FRK: variants seen among roughly 807,000 people sequenced by gnomAD.
FRK encodes the protein fyn related Src family tyrosine kinase.
Under a neutral mutation model 56.4 loss-of-function variants are expected in FRK, and 51 were observed. The ratio of observed to expected loss-of-function variants is 0.90; its 90% confidence interval spans 0.72 to 1.14. FRK has a LOEUF of 1.14. Ranked by LOEUF, FRK falls within the 50% of genes most tolerant of loss-of-function variation. FRK has a pLI of 0.00. For missense variants in FRK, 570 were observed against 601.4 expected (o/e 0.95, Z 0.55); for synonymous variants, 245 against 217.9 (o/e 1.12, Z -1.10).
chr6:116,045,101 A>G (rs1165304397), intron 1 of FRK, among the ~76,000 whole-genome samples: 1 of 152,098 alleles, frequency 6.6e-6, no homozygotes, highest in South Asian at 2.1e-4. Flanking sequence ...ACAAATGGAA[A>G]AACATTCCAT....
the FRK span, among the ~76,000 whole-genome samples, chr6:116,076,157 C>G: frequency 7.5e-4 from 114 of 152,184 alleles, no homozygotes; most frequent in Admixed American, 3.1e-3. Flanking sequence ...TATGAGAACT[C>G]TCACCAAAAG....
chr6:116,000,180 ATTCTACTTTAAG>A (rs1774998707), intron 2 of FRK, among the ~76,000 whole-genome samples: 4 of 143,614 alleles, frequency 2.8e-5, no homozygotes, highest in African/African-American at 1.0e-4. Context: ...AATTCAGGTA[ATTCTACTTTAAG>A]TTTGTTTTCC....
intron 1 of FRK, among the ~76,000 whole-genome samples, chr6:116,026,288 T>A (rs1776085703): frequency 6.6e-6 from 1 of 152,152 alleles, no homozygotes; most frequent in African/African-American, 2.4e-5. Flanking sequence ...AAGTCTGTCA[T>A]CCATTTATTC....
At chr6:116,000,311 C>G (rs1044528238) in intron 2 of FRK, among the ~76,000 whole-genome samples, 1 of 137,540 alleles carries the variant, frequency 7.3e-6, no homozygotes, top group Admixed American at 8.1e-5. Context: ...GGCGTGACCT[C>G]TGCTCACTGC....
At chr6:116,019,769 A>G (rs1270765253) in intron 1 of FRK, among the ~76,000 whole-genome samples, 1 of 152,214 alleles carries the variant, frequency 6.6e-6, no homozygotes. Flanking sequence ...AGTGGGGAGT[A>G]TGGACTTGTC....
chr6:115,995,009 G>C (rs1242283774), intron 2 of FRK, among the ~76,000 whole-genome samples: 1 of 152,056 alleles, frequency 6.6e-6, no homozygotes, highest in Non-Finnish European at 1.5e-5. Context: ...CTAAAACAGG[G>C]GCACACACTC....
intron 2 of FRK, among the ~76,000 whole-genome samples, chr6:115,981,206 T>C (rs1774186541): frequency 6.6e-6 from 1 of 152,130 alleles, no homozygotes; most frequent in Non-Finnish European, 1.5e-5. Flanking sequence ...GCAAAGACAA[T>C]ACAGTAGTAG....
intron 2 of FRK, among the ~76,000 whole-genome samples, chr6:115,999,893 T>A (rs1185102630): frequency 1.3e-5 from 2 of 152,222 alleles, no homozygotes; most frequent in Admixed American, 6.5e-5. Context: ...GGTATGCATT[T>A]ACTTTGTCCC....
the FRK span, among the ~76,000 whole-genome samples, chr6:116,068,600 A>G: frequency 6.6e-6 from 1 of 152,196 alleles, no homozygotes; most frequent in Non-Finnish European, 1.5e-5. Flanking sequence ...CCATAACTGT[A>G]GCAGTTTTCC....
At chr6:115,973,998 C>T (rs1161307119) in intron 2 of FRK, among the ~76,000 whole-genome samples, 1 of 152,130 alleles carries the variant, frequency 6.6e-6, no homozygotes, top group African/African-American at 2.4e-5. Flanking sequence ...ATAAAATATA[C>T]TTGCTATTTA....
intron 5 of FRK, among the ~76,000 whole-genome samples, chr6:115,955,514 C>T (rs570361463): frequency 1.3e-5 from 2 of 152,206 alleles, no homozygotes; most frequent in Non-Finnish European, 2.9e-5. Context: ...ATGTTAAATT[C>T]AATATTTTTC....
intron 1 of FRK, among the ~76,000 whole-genome samples, chr6:116,049,433 G>A (rs995140183): frequency 5.9e-5 from 9 of 152,134 alleles, no homozygotes; most frequent in African/African-American, 2.2e-4. Flanking sequence ...TACAATCTCA[G>A]GAGAAAATAG....
At position 115,934,564 on chromosome 6, in the gene FRK, T is replaced by C. The variant is rs1048285273; in HGVS notation, c.*7850A>G. 6.6e-6 allele frequency: 1 copy of C among 152,186 alleles called. No homozygotes were observed. Among genetic ancestry groups the C allele is most frequent in the Non-Finnish European group, 1.5e-5 (1 of 68,042 alleles). The allele number at this position is 152,186 out of a possible 1,614,324, so 9.4% of individuals were successfully genotyped here. A position where few individuals can be genotyped will look rare whatever the true frequency, so the allele number is the denominator to read the frequency against. ...AAAGGACATGGGTCTTCGTTCACAT[T>C]GAACTGCTAATGATATTGTGCCTGG... On this transcript the variant is annotated 3_prime_UTR_variant, in exon 8 of 8. Coordinates refer to ENST00000606080, the MANE Select transcript of FRK (RefSeq NM_002031.3).
intron 2 of FRK, among the ~76,000 whole-genome samples, chr6:115,982,087 G>C (rs1487351658): frequency 1.3e-5 from 2 of 152,108 alleles, no homozygotes; most frequent in Non-Finnish European, 2.9e-5. Context: ...ATTTGAATTA[G>C]TAAAGAAGAT....
intron 5 of FRK, among the ~76,000 whole-genome samples, chr6:115,947,139 G>T (rs889778574): frequency 2.0e-5 from 3 of 152,040 alleles, no homozygotes; most frequent in African/African-American, 4.8e-5. Flanking sequence ...GGTTTCTAGG[G>T]TGCTGGCCAC....
intron 1 of FRK, among the ~76,000 whole-genome samples, chr6:116,024,058 AC>A: frequency 3.9e-4 from 1 of 2,558 alleles, no homozygotes; most frequent in Non-Finnish European, 1.3e-3. Context: ...CTGAGAACTT[AC>A]ACACACACAC....
At chr6:116,071,399 T>C in the FRK span, among the ~76,000 whole-genome samples, 4 of 152,050 alleles carry the variant, frequency 2.6e-5, no homozygotes, top group Non-Finnish European at 5.9e-5. Context: ...ACGAATTGAG[T>C]TACAAATCCA....
At chr6:115,999,787 G>T (rs1465676436) in intron 2 of FRK, among the ~76,000 whole-genome samples, 1 of 152,138 alleles carries the variant, frequency 6.6e-6, no homozygotes, top group Admixed American at 6.5e-5. Context: ...TTTTAATGTG[G>T]ATATATTGAA....
chr6:116,084,163 T>C, the FRK span, among the ~76,000 whole-genome samples: 1 of 152,178 alleles, frequency 6.6e-6, no homozygotes, highest in Non-Finnish European at 1.5e-5. Context: ...CGAATGGTTA[T>C]ATATATTTTC....
Sources: gnomAD v4.1 joint callset for allele counts (sites outside exome capture counted in the v4.1 genomes callset) on GRCh38, gnomAD v4.1.1 for gene constraint, MANE v1.5 for transcripts, NCBI Gene and HGNC (gene_info 2026-07-23, HGNC 2026-07-21) for gene names.